COL25A1: variants seen among roughly 807,000 people sequenced by gnomAD.
COL25A1 encodes the protein collagen type XXV alpha 1 chain.
COL25A1 carries 103 observed loss-of-function variants against 128.4 expected under a neutral mutation model. The ratio of observed to expected loss-of-function variants is 0.80; its 90% CI spans 0.68 to 0.94. The LOEUF (loss-of-function observed/expected upper bound fraction) is 0.94. Among genes scored for constraint, COL25A1 ranks in the 40% least tolerant of loss-of-function variants. The pLI, the probability that COL25A1 is intolerant of heterozygous loss-of-function variation, is 0.00. For missense variants in COL25A1, 745 were observed against 840.0 expected, an observed-to-expected ratio of 0.89 and a Z score of 1.40; for synonymous variants, 279 against 277.2, an observed-to-expected ratio of 1.01 and a Z score of -0.06.
chr4:109,088,084 A>C (rs1764569446), intron 3 of COL25A1, among the ~76,000 whole-genome samples: 1 of 151,206 alleles, frequency 6.6e-6, no homozygotes. Flanking sequence ...CTGAAATAAG[A>C]CTTCAAAATT....
chr4:109,177,052 TG>T (rs1217896207), intron 3 of COL25A1, among the ~76,000 whole-genome samples: 2 of 152,098 alleles, frequency 1.3e-5, no homozygotes, highest in African/African-American at 2.4e-5. Context: ...CTAATATAGG[TG>T]GGGTACCTGA....
chr4:109,140,528 T>C (rs1021363931), intron 3 of COL25A1, among the ~76,000 whole-genome samples: 6 of 152,194 alleles, frequency 3.9e-5, no homozygotes, highest in African/African-American at 1.4e-4. Flanking sequence ...TTGGGCAGTA[T>C]GGCCATTTTC....
intron 6 of COL25A1, among the ~76,000 whole-genome samples, chr4:108,990,226 AAAAAAAAAAAAAAATATAT>A (rs1178593035): frequency 1.4e-5 from 1 of 70,518 alleles, no homozygotes; most frequent in Admixed American, 2.1e-4. Context: ...AAAAAAAAAA[AAAAAAAAAAAAAAATATAT>A]ATATATATAT....
intron 20 of COL25A1, among the ~76,000 whole-genome samples, chr4:108,867,152 G>A (rs569290430): frequency 3.9e-5 from 6 of 152,282 alleles, no homozygotes; most frequent in African/African-American, 1.4e-4. Flanking sequence ...AGATATTTAG[G>A]AATGAACTTC....
At chr4:108,904,759 A>G (rs1180623235) in intron 13 of COL25A1, among the ~76,000 whole-genome samples, 2 of 152,160 alleles carry the variant, frequency 1.3e-5, no homozygotes, top group African/African-American at 2.4e-5. Context: ...AGCAGCTAAC[A>G]TCTTAACCAC....
chr4:108,897,813 T>C (rs79788934), intron 15 of COL25A1, among the ~76,000 whole-genome samples: 4 of 152,176 alleles, frequency 2.6e-5, no homozygotes, highest in Admixed American at 6.5e-5. Context: ...TTCACTTTTT[T>C]CCTCTGTATT....
rs142912651 is a variant in COL25A1, at chr4:109,034,222, G to T, written c.420+13946C>A. Among the ~76,000 whole-genome samples, 740 of 152,220 alleles carry T rather than the reference G, an allele frequency of 4.9e-3. 22 individuals are homozygous for T. Among genetic ancestry groups the T allele is most frequent in the Admixed American group, 0.045 (683 of 15,296 alleles). Reference sequence around the variant, plus strand: ...CAGAAACAGAATGCACATTCTCATTGATCTTGAGTGTCACTCAAGAAACAC... The same window carrying T: ...CAGAAACAGAATGCACATTCTCATTTATCTTGAGTGTCACTCAAGAAACAC... On this transcript the variant is annotated intron_variant, in intron 5 of 37. Transcript: ENST00000399132.
intron 12 of COL25A1, among the ~76,000 whole-genome samples, chr4:108,919,348 T>C (rs552664736): frequency 2.6e-4 from 40 of 152,212 alleles, no homozygotes; most frequent in Non-Finnish European, 5.4e-4. Flanking sequence ...CCTGGTCGTA[T>C]GTGGATTAGA....
intron 3 of COL25A1, among the ~76,000 whole-genome samples, chr4:109,138,679 T>TTTTTGC (rs1472841213): frequency 4.6e-5 from 7 of 151,326 alleles, no homozygotes; most frequent in Non-Finnish European, 8.8e-5. Context: ...TTGTTGTTGT[T>TTTTTGC]TTTTGTTTTT....
At chr4:108,823,745 GTACAAAACATATCTCC>G (rs1410202803) in intron 35 of COL25A1, 3 of 295,026 alleles carry the variant, frequency 1.0e-5, no homozygotes, top group African/African-American at 6.9e-5. Flanking sequence ...AAATATCAAC[GTACAAAACATATCTCC>G]ATTTCTCTAC....
At chr4:108,984,118 C>T (rs1753375886) in intron 6 of COL25A1, among the ~76,000 whole-genome samples, 1 of 152,194 alleles carries the variant, frequency 6.6e-6, no homozygotes, top group African/African-American at 2.4e-5. Flanking sequence ...AGACTGTCCA[C>T]ACAAAGGTTC....
intron 26 of COL25A1, among the ~76,000 whole-genome samples, chr4:108,849,653 T>C (rs1052827249): frequency 6.6e-6 from 1 of 152,210 alleles, no homozygotes; most frequent in South Asian, 2.1e-4. Flanking sequence ...GTCATTTATG[T>C]GGATCCCATT....
At position 109,009,598 on chromosome 4, in the gene COL25A1, G is replaced by C. The variant is rs187422591; in HGVS notation, c.438+760C>G. Among the ~76,000 whole-genome samples the C allele has an allele frequency of 5.1e-3, 780 of 152,292 alleles. 8 individuals are homozygous for C. The highest frequency in any genetic ancestry group is 8.3e-3 in the Non-Finnish European group (562 of 68,026). On this transcript the variant is annotated intron_variant, in intron 6 of 37. Coordinates refer to ENST00000399132, the MANE Select transcript of COL25A1 (RefSeq NM_198721.4). ...TAACATTCAGTACATCAAGGGTAAA[G>C]AGATGGAAGATGAGTTCAGTAAATA...
At chr4:109,117,761 A>C (rs1334114560) in intron 3 of COL25A1, among the ~76,000 whole-genome samples, 1 of 152,006 alleles carries the variant, frequency 6.6e-6, no homozygotes, top group African/African-American at 2.4e-5. Flanking sequence ...GATGGAAGAA[A>C]GACATTAGGA....
chr4:109,147,495 A>G (rs1389461257), intron 3 of COL25A1, among the ~76,000 whole-genome samples: 1 of 152,198 alleles, frequency 6.6e-6, no homozygotes, highest in Non-Finnish European at 1.5e-5. Context: ...AATTCATTTT[A>G]TTCTGGGTCT....
chr4:108,882,910 T>A (rs1288119347), intron 19 of COL25A1, among the ~76,000 whole-genome samples: 1 of 152,186 alleles, frequency 6.6e-6, no homozygotes, highest in African/African-American at 2.4e-5. Context: ...TTATACATAT[T>A]ATATGACCTC....
chr4:109,213,909 G>C (rs1560879080), intron 3 of COL25A1, among the ~76,000 whole-genome samples: 1 of 152,058 alleles, frequency 6.6e-6, no homozygotes, highest in Non-Finnish European at 1.5e-5. Flanking sequence ...GCTATGATGT[G>C]ACATGCTATC....
chr4:108,818,098 AT>A (rs1259723500), intron 36 of COL25A1, among the ~76,000 whole-genome samples: 12 of 152,152 alleles, frequency 7.9e-5, no homozygotes, highest in Non-Finnish European at 1.6e-4. Flanking sequence ...TGCAAAATTT[AT>A]TTTAAAGTGT....
chr4:108,862,858 A>T (rs1342330540), intron 21 of COL25A1, among the ~76,000 whole-genome samples: 1 of 152,200 alleles, frequency 6.6e-6, no homozygotes, highest in East Asian at 1.9e-4. Context: ...CAGTGAGTAA[A>T]TAGTTTCCTG....
Sources: gnomAD v4.1 joint callset for allele counts (sites outside exome capture counted in the v4.1 genomes callset) on GRCh38, gnomAD v4.1.1 for gene constraint, MANE v1.5 for transcripts, NCBI Gene and HGNC (gene_info 2026-07-23, HGNC 2026-07-21) for gene names.